Variants in SRGAP2 observed in about 807,000 individuals in gnomAD.
The protein encoded by SRGAP2 is SLIT-ROBO Rho GTPase-activating protein 2.
Under a neutral mutation model 57.2 loss-of-function variants are expected in SRGAP2, and 15 were observed. The observed-to-expected ratio is 0.26, with a 90% CI of 0.18 to 0.40. The LOEUF (loss-of-function observed/expected upper bound fraction) is 0.40. Among genes scored for constraint, SRGAP2 ranks in the 10% least tolerant of loss-of-function variants. The probability of loss-of-function intolerance (pLI) is 1.00; values close to 1 mark genes in which losing one functional copy is unlikely to be tolerated. For missense variants in SRGAP2, 520 were observed against 669.6 expected (o/e 0.78, Z 2.47); for synonymous variants, 249 against 248.0 (o/e 1.00, Z -0.04).
chr1:206,323,635 C>T (rs1167029786), intron 3 of SRGAP2, among the ~76,000 whole-genome samples: 4 of 149,980 alleles, frequency 2.7e-5, no homozygotes, highest in African/African-American at 4.9e-5. Context: ...ATTGTCTGTA[C>T]TGTTTACCAG....
chr1:206,365,961 T>G (rs1445836592), intron 4 of SRGAP2, among the ~76,000 whole-genome samples: 3 of 152,048 alleles, frequency 2.0e-5, no homozygotes, highest in African/African-American at 2.4e-5. Flanking sequence ...CAGGCATAGT[T>G]GTGACAAGGA....
chr1:206,234,406 G>A (rs1553307734), intron 2 of SRGAP2, among the ~76,000 whole-genome samples: 3 of 152,100 alleles, frequency 2.0e-5, no homozygotes, highest in African/African-American at 4.8e-5. Flanking sequence ...ACTCCCCAGT[G>A]TCTAACTCTT....
intron 19 of SRGAP2, among the ~76,000 whole-genome samples, chr1:206,451,921 A>T (rs1250853977): frequency 6.6e-6 from 1 of 152,184 alleles, no homozygotes; most frequent in Non-Finnish European, 1.5e-5. Context: ...CAGACCCACC[A>T]GCTAGGGCCA....
chr1:206,326,805 A>G (rs1384310473), intron 3 of SRGAP2, among the ~76,000 whole-genome samples: 2 of 152,240 alleles, frequency 1.3e-5, no homozygotes, highest in African/African-American at 4.8e-5. Flanking sequence ...CAGCTGCATT[A>G]GGCACAGAAG....
intron 3 of SRGAP2, 75 bp downstream of exon 3, chr1:206,303,548 A>T: frequency 1.4e-6 from 1 of 739,226 alleles, no homozygotes; most frequent in Non-Finnish European, 2.1e-6. Context: ...AGGGTATGCC[A>T]CTTAGATCCA....
Position 206,464,364 on chromosome 1 carries a change from G to A in SRGAP2, c.*2944G>A, listed in dbSNP as rs797026757. The A allele has an allele frequency of 1.0e-4, 16 of 152,760 alleles. No individual in the cohort carries two copies. The highest frequency in any genetic ancestry group is 3.6e-4 in the African/African-American group (15 of 41,550). The allele number at this position is 152,760 out of a possible 1,614,324, so 9.5% of individuals were successfully genotyped here. A position where few individuals can be genotyped will look rare whatever the true frequency, so the allele number is the denominator to read the frequency against. On this transcript the variant is annotated 3_prime_UTR_variant, in exon 23 of 23. Transcript: ENST00000573034. ...AGATGCTTTGTGTGAACCTAAGACT[G>A]TCACTCAACAGATGTTGGATTGGGG...
At chr1:206,440,987 G>A (rs1286306876) in intron 17 of SRGAP2, among the ~76,000 whole-genome samples, 1 of 152,242 alleles carries the variant, frequency 6.6e-6, no homozygotes, top group Non-Finnish European at 1.5e-5. Context: ...GTTAGTGGCT[G>A]AGTCTGGAGA....
intron 7 of SRGAP2, among the ~76,000 whole-genome samples, chr1:206,398,264 C>G (rs1449210726): frequency 6.6e-6 from 1 of 152,224 alleles, no homozygotes; most frequent in Non-Finnish European, 1.5e-5. Context: ...ATCTCATTTA[C>G]CTAACCTTGC....
At chr1:206,434,117 G>T (rs1661518264) in intron 14 of SRGAP2, among the ~76,000 whole-genome samples, 1 of 152,166 alleles carries the variant, frequency 6.6e-6, no homozygotes, top group South Asian at 2.1e-4. Context: ...AGAGTCTGTG[G>T]CCCACTGAAT....
At chr1:206,353,782 A>AT (rs548001273) in intron 4 of SRGAP2, among the ~76,000 whole-genome samples, 2 of 147,654 alleles carry the variant, frequency 1.4e-5, no homozygotes, top group African/African-American at 5.1e-5. Flanking sequence ...CATCCAATGA[A>AT]TTTTTTTTAT....
chr1:206,410,963 C>G (rs769497880), intron 10 of SRGAP2, among the ~76,000 whole-genome samples: 17 of 152,210 alleles, frequency 1.1e-4, no homozygotes, highest in Non-Finnish European at 2.4e-4. Flanking sequence ...CAGGTTCAAG[C>G]AGTTCTCCTG....
chr1:206,290,361 T>C (rs1186550528), intron 2 of SRGAP2, among the ~76,000 whole-genome samples: 7 of 152,146 alleles, frequency 4.6e-5, no homozygotes, highest in Non-Finnish European at 8.8e-5. Flanking sequence ...CAGAAATGTA[T>C]ATAAGTCGGG....
Position 206,307,236 on chromosome 1 carries a change from C to T in SRGAP2, c.260+3763C>T, listed in dbSNP as rs1409925628. Among the ~76,000 whole-genome samples, 5 of 150,236 alleles carry T rather than the reference C, an allele frequency of 3.3e-5. No individual in the cohort carries two copies. The South Asian group carries it at 6.4e-4, about 19-fold the overall frequency. On this transcript the variant is annotated intron_variant, in intron 3 of 22. Coordinates refer to ENST00000573034, the MANE Select transcript of SRGAP2 (RefSeq NM_015326.5). The stretch of plus-strand genomic sequence containing the variant: ...TTGAGCTAGACATAAAGGTTCTCCA[C>T]GTCCTCACTAGAGCAGCTAGATACA...
intron 21 of SRGAP2, among the ~76,000 whole-genome samples, chr1:206,457,524 G>T (rs1663939113): frequency 1.3e-5 from 2 of 152,220 alleles, no homozygotes; most frequent in African/African-American, 4.8e-5. Context: ...GTTCATTTCA[G>T]CAGGGCCTTA....
rs532747218 is a variant in SRGAP2, at chr1:206,452,909, AT to A, written c.2180-290del. Among the ~76,000 whole-genome samples, 377 of 147,428 alleles carry A rather than the reference AT, an allele frequency of 2.6e-3. 10 individuals carry two copies. Among genetic ancestry groups the A allele is most frequent in the South Asian group, 6.2e-3 (29 of 4,696 alleles). On this transcript the variant is annotated intron_variant, in intron 19 of 22. Coordinates refer to ENST00000573034, the MANE Select transcript of SRGAP2 (RefSeq NM_015326.5). ...CCAAAAAAAAAAAAAAAAAAAAAAA[AT>A]GGGATGCTTGAGTTGTGTTTTGATG... is the stretch of plus-strand genomic sequence containing the variant.
At chr1:206,429,206 G>A (rs1157248919) in intron 13 of SRGAP2, among the ~76,000 whole-genome samples, 2 of 152,192 alleles carry the variant, frequency 1.3e-5, no homozygotes, top group African/African-American at 4.8e-5. Flanking sequence ...AAACAACAGA[G>A]CAAAGATTGA....
chr1:206,452,747 G>C (rs1160649205), intron 19 of SRGAP2, among the ~76,000 whole-genome samples: 1 of 151,950 alleles, frequency 6.6e-6, no homozygotes, highest in South Asian at 2.1e-4. Context: ...TTAGCTGGGC[G>C]TGGTGGCACA....
chr1:206,357,604 T>G, intron 4 of SRGAP2, among the ~76,000 whole-genome samples: 1 of 145,524 alleles, frequency 6.9e-6, no homozygotes, highest in Non-Finnish European at 1.5e-5. Context: ...TTTTTTTTTT[T>G]GGAGATGGAG....
chr1:206,248,724 G>A (rs1263673740), intron 2 of SRGAP2, among the ~76,000 whole-genome samples: 1 of 151,790 alleles, frequency 6.6e-6, no homozygotes, highest in Non-Finnish European at 1.5e-5. Flanking sequence ...TTCTGCAGTA[G>A]TCCCAAGATT....
Sources: gnomAD v4.1 joint callset for allele counts (sites outside exome capture counted in the v4.1 genomes callset) on GRCh38, gnomAD v4.1.1 for gene constraint, MANE v1.5 for transcripts, NCBI Gene and HGNC (gene_info 2026-07-23, HGNC 2026-07-21) for gene names.